Variants in DYNLL2 observed in about 807,000 individuals in gnomAD.
DYNLL2 encodes dynein light chain 2, cytoplasmic.
In DYNLL2, 1 loss-of-function variant was observed where a neutral mutation model predicts 9.7. The ratio of observed to expected loss-of-function variants is 0.10; its 90% confidence interval spans 0.04 to 0.49. The LOEUF is 0.49. Among genes scored for constraint, DYNLL2 ranks in the 20% least tolerant of loss-of-function variants. DYNLL2 has a pLI of 0.95. For synonymous variants in DYNLL2, 35 were observed against 40.5 expected, an observed-to-expected ratio of 0.86 and a Z score of 0.52; for missense variants, 37 against 115.2, an observed-to-expected ratio of 0.32 and a Z score of 3.11.
rs529204493 is a variant in DYNLL2, at chr17:58,092,322, C to G, written c.*3043C>G. ...GGGCCAAAGCTCATCTACTTTCTTCCCTGATGAAAGAGGCAGTCCAGGTGG... is the reference window on the plus strand; with the variant it reads ...GGGCCAAAGCTCATCTACTTTCTTCGCTGATGAAAGAGGCAGTCCAGGTGG... On this transcript the variant is annotated 3_prime_UTR_variant, in exon 3 of 3. Coordinates refer to ENST00000579991, the MANE Select transcript of DYNLL2 (RefSeq NM_080677.3). The G allele has an allele frequency of 3.9e-5, 6 of 152,326 alleles. No individual in the cohort carries two copies. The highest frequency in any genetic ancestry group is 2.0e-4 in the Admixed American group (3 of 15,294). 9.4% of individuals were successfully genotyped at this position (152,326 alleles called of 1,614,324 possible).
In DYNLL2 at chr17:58,089,859, T is replaced by C. The variant is rs925198950; in HGVS notation, c.*580T>C. On this transcript the variant is annotated 3_prime_UTR_variant, in exon 3 of 3. Transcript: ENST00000579991. ...GGCGGAGGGTGGGGTGGGGATGCCT[T>C]CTTTAGGGGCCCTGAGATGTGTTTG... The C allele has an allele frequency of 2.5e-6, 1 of 398,682 alleles. No individual in the cohort carries two copies. The highest frequency in any genetic ancestry group is 4.4e-6 in the Non-Finnish European group (1 of 226,256). The allele number at this position is 398,682 out of a possible 1,614,324, so 24.7% of individuals were successfully genotyped here. A position where few individuals can be genotyped will look rare whatever the true frequency, so the allele number is the denominator to read the frequency against.
chr17:58,088,384 G>A (rs2075768356), intron 2 of DYNLL2, among the ~76,000 whole-genome samples: 1 of 152,240 alleles, frequency 6.6e-6, no homozygotes. Context: ...TAGAACCCCA[G>A]AGTTGGCAGC....
chr17:58,084,541 GGGCTA>G (rs2075751294), intron 1 of DYNLL2, among the ~76,000 whole-genome samples: 1 of 152,130 alleles, frequency 6.6e-6, no homozygotes, highest in South Asian at 2.1e-4. Flanking sequence ...AAGGAGGGAG[GGGCTA>G]GGCTGGACAC....
At chr17:58,088,072 ACTC>A (rs1379912800) in intron 2 of DYNLL2, among the ~76,000 whole-genome samples, 4 of 141,138 alleles carry the variant, frequency 2.8e-5, no homozygotes, top group South Asian at 2.4e-4. Context: ...GAAAAGAAGA[ACTC>A]CTGGAGTCCT....
At position 58,087,077 on chromosome 17, in the gene DYNLL2, T is replaced by C. The variant is rs1006880006; in HGVS notation, c.-9-5T>C. 3.1e-6 allele frequency: 5 copies of C among 1,613,874 alleles called. No homozygotes were observed. The highest frequency in any genetic ancestry group is 4.2e-6 in the Non-Finnish European group (5 of 1,179,884). Reference sequence around the variant, plus strand: ...GTCAGCCTTACCTCTCTGCTCCTTCTGTAGTGTCACACCATGTCTGACCGG... The same window carrying C: ...GTCAGCCTTACCTCTCTGCTCCTTCCGTAGTGTCACACCATGTCTGACCGG... On this transcript the variant is annotated splice_polypyrimidine_tract_variant and splice_region_variant and intron_variant, in intron 1 of 2. Coordinates refer to ENST00000579991, the MANE Select transcript of DYNLL2 (RefSeq NM_080677.3).
intron 1 of DYNLL2, among the ~76,000 whole-genome samples, chr17:58,085,196 A>G (rs542449561): frequency 1.5e-4 from 23 of 152,288 alleles, no homozygotes; most frequent in Non-Finnish European, 2.5e-4. Context: ...TTTCTGCCGA[A>G]GTGGAACCAG....
At chr17:58,089,104 C>G (rs773178570) in intron 2 of DYNLL2, 38 bp from the exon 3 acceptor site, 2 of 1,611,126 alleles carry the variant, frequency 1.2e-6, no homozygotes, top group South Asian at 2.2e-5. Context: ...CTCCAGCTAC[C>G]CTAATTACCT....
intron 1 of DYNLL2, among the ~76,000 whole-genome samples, chr17:58,085,527 G>A (rs1598087636): frequency 6.6e-6 from 1 of 152,312 alleles, no homozygotes; most frequent in South Asian, 2.1e-4. Flanking sequence ...TGGGATGATG[G>A]GGGAGATAGT....
At chr17:58,088,247 T>A (rs1425526012) in intron 2 of DYNLL2, among the ~76,000 whole-genome samples, 17 of 152,260 alleles carry the variant, frequency 1.1e-4, no homozygotes, top group Admixed American at 1.1e-3. Flanking sequence ...CTGGCTCTCC[T>A]GTATTACACA....
Position 58,093,706 on chromosome 17 carries a change from G to GGATTA in DYNLL2, c.*4428_*4432dup, listed in dbSNP as rs1376117923. On this transcript the variant is annotated 3_prime_UTR_variant, in exon 3 of 3. Coordinates refer to ENST00000579991, the MANE Select transcript of DYNLL2 (RefSeq NM_080677.3). ...CCTCCTCCTTACTCCTCTCTACTAAGGATTAAGGAGCCACCTCTTCCTCCT... is the reference window on the plus strand; with the variant it reads ...CCTCCTCCTTACTCCTCTCTACTAAGGATTAGATTAAGGAGCCACCTCTTCCTCCT... 6.6e-6 allele frequency: 1 copy of GGATTA among 152,124 alleles called. No homozygotes were observed. The highest frequency in any genetic ancestry group is 2.4e-5 in the African/African-American group (1 of 41,422). 9.4% of individuals were successfully genotyped at this position (152,124 alleles called of 1,614,324 possible).
intron 1 of DYNLL2, among the ~76,000 whole-genome samples, chr17:58,084,149 C>T (rs2075748539): frequency 6.6e-6 from 1 of 151,912 alleles, no homozygotes; most frequent in East Asian, 2.0e-4. Context: ...GGGAGGGCGG[C>T]CGACCGGCCG....
intron 1 of DYNLL2, among the ~76,000 whole-genome samples, chr17:58,086,135 A>G (rs2075759140): frequency 1.3e-5 from 2 of 152,072 alleles, no homozygotes; most frequent in African/African-American, 4.8e-5. Context: ...CACCCTCTCT[A>G]CCTCTTACGG....
chr17:58,089,465 C>T lies in DYNLL2; in HGVS notation c.*186C>T, dbSNP rs985883923. ...AACCAAACCTCTTTCTGTTTAGTTGCCTGGGGGAAGAAGGCTGCTTTATGT... is the reference window on the plus strand; with the variant it reads ...AACCAAACCTCTTTCTGTTTAGTTGTCTGGGGGAAGAAGGCTGCTTTATGT... On this transcript the variant is annotated 3_prime_UTR_variant, in exon 3 of 3. Coordinates refer to ENST00000579991, the MANE Select transcript of DYNLL2 (RefSeq NM_080677.3). The T allele has an allele frequency of 4.4e-6, 3 of 682,114 alleles. No homozygotes were observed. Among genetic ancestry groups the T allele is most frequent in the African/African-American group, 1.9e-5 (1 of 53,334 alleles). 42.3% of individuals were successfully genotyped at this position (682,114 alleles called of 1,614,324 possible).
Position 58,092,501 on chromosome 17 carries a change from G to A in DYNLL2, c.*3222G>A, listed in dbSNP as rs2075783767. ...TGTGTCACTGAAGGGACTGTGGAAA[G>A]CAGATGGAAATTGTGGAATTCTCTC... On this transcript the variant is annotated 3_prime_UTR_variant, in exon 3 of 3. Coordinates refer to ENST00000579991, the MANE Select transcript of DYNLL2 (RefSeq NM_080677.3). The A allele has an allele frequency of 6.6e-6, 1 of 152,258 alleles. No individual in the cohort carries two copies. 9.4% of individuals were successfully genotyped at this position (152,258 alleles called of 1,614,324 possible).
chr17:58,089,118 T>C (rs1248398623), intron 2 of DYNLL2, 24 bp from the exon 3 acceptor site: 2 of 1,612,522 alleles, frequency 1.2e-6, no homozygotes. Context: ...ATTACCTTTC[T>C]TCTCTACCTT....
At chr17:58,088,664 C>T (rs1437117404) in intron 2 of DYNLL2, among the ~76,000 whole-genome samples, 3 of 152,156 alleles carry the variant, frequency 2.0e-5, no homozygotes, top group Admixed American at 1.3e-4. Context: ...CTGGTACTCC[C>T]GATGTTTGGT....
At chr17:58,085,879 C>T (rs1025436778) in intron 1 of DYNLL2, among the ~76,000 whole-genome samples, 1 of 152,154 alleles carries the variant, frequency 6.6e-6, no homozygotes, top group Non-Finnish European at 1.5e-5. Flanking sequence ...TAACATAATA[C>T]CTTTCACATC....
Position 58,087,166 on chromosome 17 carries a change from A to C in DYNLL2, c.76A>C (p.Thr26Pro). 1 of 1,614,192 alleles carries C rather than the reference A, an allele frequency of 6.2e-7. No individual in the cohort carries two copies. The highest frequency in any genetic ancestry group is 8.5e-7 in the Non-Finnish European group (1 of 1,180,032). The change falls in exon 2 of 3, where the codon ACG becomes CCG. Residue 26 changes from threonine to proline, a missense_variant. Coordinates refer to ENST00000579991, the MANE Select transcript of DYNLL2 (RefSeq NM_080677.3). ...GCAACAGGATGCCGTTGACTGCGCC[A>C]CGCAGGCCATGGAGAAGTACAATAT... ...DMQQDAVDCA[T>P]QAMEKYNIEK...
At chr17:58,088,207 C>T (rs922690099) in intron 2 of DYNLL2, among the ~76,000 whole-genome samples, 13 of 152,256 alleles carry the variant, frequency 8.5e-5, no homozygotes, top group African/African-American at 2.4e-4. Flanking sequence ...TCTTTTTTTG[C>T]TGATGGAGAA....
Sources: allele counts gnomAD v4.1 joint callset (sites outside exome capture counted in the v4.1 genomes callset), GRCh38; gene constraint gnomAD v4.1.1; transcripts MANE v1.5; gene names NCBI Gene and HGNC (gene_info 2026-07-23, HGNC 2026-07-21).